Variants in ZFAT observed in about 807,000 individuals in gnomAD.
The protein encoded by ZFAT is zinc finger and AT-hook domain containing, also known as zinc finger protein ZFAT.
A neutral mutation model predicts 117.7 loss-of-function variants in ZFAT; 64 were observed. The ratio of observed to expected loss-of-function variants is 0.54; its 90% confidence interval spans 0.44 to 0.67. The LOEUF (loss-of-function observed/expected upper bound fraction) is 0.67. Ranked by LOEUF, ZFAT falls within the 30% of genes least tolerant of loss-of-function variation. The pLI is 0.00. For synonymous variants in ZFAT, 679 were observed against 615.0 expected (o/e 1.10, Z -1.54); for missense variants, 1,433 against 1,584.5 (o/e 0.90, Z 1.62).
At position 134,602,679 on chromosome 8, in the gene ZFAT, C is replaced by T. The variant is rs1563661768; in HGVS notation, c.1040G>A (p.Arg347Gln). 2 of 1,614,196 alleles carry T rather than the reference C, an allele frequency of 1.2e-6. No individual in the cohort carries two copies. Among genetic ancestry groups the T allele is most frequent in the Middle Eastern group, 1.6e-4 (1 of 6,062 alleles). ...SKGHLKVHIE[R>Q]VHKKIKQHCR... ...GTGCTGCTTGATCTTCTTGTGCACT[C>T]GCTCGATGTGCACCTTGAGGTGGCC... The change falls in exon 6 of 16, where the codon CGA becomes CAA. Residue 347 changes from arginine to glutamine, a missense_variant. Around this residue, in one of 5 missense-constraint regions of ZFAT, gnomAD observed 436 missense variants for 482.0 expected, o/e 0.90. Coordinates refer to ENST00000377838, the MANE Select transcript of ZFAT (RefSeq NM_020863.4).
At chr8:134,712,620 TTGC>T (rs1399439240) in intron 1 of ZFAT, among the ~76,000 whole-genome samples, 11 of 119,134 alleles carry the variant, frequency 9.2e-5, no homozygotes, top group African/African-American at 3.7e-4. Context: ...CGCTCCCGCC[TTGC>T]TTTTTTTTTT....
chr8:134,503,959 C>CA (rs200258023), intron 15 of ZFAT, among the ~76,000 whole-genome samples: 31,625 of 152,010 alleles, frequency 0.21, 4,019 homozygotes, highest in East Asian at 0.4. Flanking sequence ...CACACACACA[C>CA]CCCTATGAGT....
chr8:134,719,212 A>AG, the ZFAT span, among the ~76,000 whole-genome samples: 1 of 152,238 alleles, frequency 6.6e-6, no homozygotes, highest in African/African-American at 2.4e-5. Flanking sequence ...TCAGAGAAGA[A>AG]GGGGGAGGAT....
intron 11 of ZFAT, among the ~76,000 whole-genome samples, chr8:134,542,746 G>T (rs1286127108): frequency 1.3e-5 from 2 of 151,842 alleles, no homozygotes; most frequent in East Asian, 3.9e-4. Context: ...GTACATGCAG[G>T]TATTGTACAG....
At chr8:134,567,628 G>C (rs1273315739) in intron 10 of ZFAT, among the ~76,000 whole-genome samples, 4 of 152,162 alleles carry the variant, frequency 2.6e-5, no homozygotes, top group Admixed American at 1.3e-4. Context: ...TCAGAGCAAA[G>C]TTGACGTTCC....
chr8:134,734,099 G>A, the ZFAT span, among the ~76,000 whole-genome samples: 62 of 152,314 alleles, frequency 4.1e-4, no homozygotes, highest in Non-Finnish European at 7.9e-4. Context: ...TTGCCATGAC[G>A]CTGCTGTTAG....
In ZFAT at chr8:134,477,852, AT is replaced by A. The variant is rs1470583545; in HGVS notation, c.*629del. 1.3e-5 allele frequency: 2 copies of A among 152,410 alleles called. No individual in the cohort carries two copies. Among genetic ancestry groups the A allele is most frequent in the African/African-American group, 4.8e-5 (2 of 41,438 alleles). The allele number at this position is 152,410 out of a possible 1,614,324, so 9.4% of individuals were successfully genotyped here. The stretch of plus-strand genomic sequence containing the variant: ...CTTAGAATGGGAGGCGAACAGTGAA[AT>A]AGTGCATTTATCTTAAAAGTGAAAT... On this transcript the variant is annotated 3_prime_UTR_variant, in exon 16 of 16. Transcript: ENST00000377838.
intron 15 of ZFAT, among the ~76,000 whole-genome samples, chr8:134,491,182 T>C (rs1333984609): frequency 6.6e-6 from 1 of 152,252 alleles, no homozygotes; most frequent in African/African-American, 2.4e-5. Flanking sequence ...CACAGAGTAC[T>C]GAGTCTGTGT....
chr8:134,801,360 A>G, the ZFAT span, among the ~76,000 whole-genome samples: 1 of 152,134 alleles, frequency 6.6e-6, no homozygotes, highest in African/African-American at 2.4e-5. Context: ...TCCACTAACT[A>G]TTATCAGTGG....
At chr8:134,820,227 T>C in the ZFAT span, among the ~76,000 whole-genome samples, 1 of 152,188 alleles carries the variant, frequency 6.6e-6, no homozygotes, top group African/African-American at 2.4e-5. Context: ...CAGTGAGTAG[T>C]GGATCACAAA....
chr8:134,740,394 A>C, the ZFAT span, among the ~76,000 whole-genome samples: 1 of 152,230 alleles, frequency 6.6e-6, no homozygotes, highest in African/African-American at 2.4e-5. Context: ...TCCTGGAACA[A>C]ATGCTGGTCC....
At chr8:134,646,134 G>A (rs1012148426) in intron 2 of ZFAT, among the ~76,000 whole-genome samples, 1 of 152,106 alleles carries the variant, frequency 6.6e-6, no homozygotes. Flanking sequence ...GCTTGAAACT[G>A]GAAGGCGGAG....
the ZFAT span, among the ~76,000 whole-genome samples, chr8:134,719,060 G>A: frequency 6.6e-6 from 1 of 152,194 alleles, no homozygotes; most frequent in African/African-American, 2.4e-5. Context: ...CAGAAAAGCT[G>A]AAAATGTGGA....
At chr8:134,569,577 G>C (rs1824727492) in intron 10 of ZFAT, among the ~76,000 whole-genome samples, 1 of 152,132 alleles carries the variant, frequency 6.6e-6, no homozygotes, top group Non-Finnish European at 1.5e-5. Flanking sequence ...CTCACCCTGA[G>C]TGACCCTGGG....
At chr8:134,667,126 G>T (rs1016041297) in intron 1 of ZFAT, among the ~76,000 whole-genome samples, 55 of 152,188 alleles carry the variant, frequency 3.6e-4, no homozygotes, top group African/African-American at 1.3e-3. Flanking sequence ...ACACACTGGG[G>T]CCTGTCAGGG....
the ZFAT span, among the ~76,000 whole-genome samples, chr8:134,820,399 A>C: frequency 2.6e-5 from 4 of 152,256 alleles, no homozygotes; most frequent in Admixed American, 2.6e-4. Flanking sequence ...AAGCTCCTTT[A>C]GGACAATGCC....
the ZFAT span, among the ~76,000 whole-genome samples, chr8:134,831,369 CATTT>C: frequency 6.6e-6 from 1 of 152,364 alleles, no homozygotes; most frequent in Admixed American, 6.5e-5. Context: ...ACTTTTTTAT[CATTT>C]AGTCCTAAAA....
chr8:134,698,437 G>A lies in ZFAT; in HGVS notation c.19+14408C>T, dbSNP rs149232505. ...GGCAGCGGGGGAACCTGACAGCGCC[G>A]GACAGCCAACTATTCAGACACTCCA... On this transcript the variant is annotated intron_variant, in intron 1 of 15. Transcript: ENST00000377838. 2.0e-3 allele frequency among the ~76,000 whole-genome samples: 300 copies of A among 152,212 alleles called. 1 individual carries two copies. The highest frequency in any genetic ancestry group is 6.5e-3 in the African/African-American group (269 of 41,524).
At chr8:134,723,515 G>A in the ZFAT span, 1 of 152,334 alleles carries the variant, frequency 6.6e-6, no homozygotes, top group Non-Finnish European at 1.5e-5. Context: ...CTGTGCAGAG[G>A]AGTCCACCTT....
Sources: allele counts gnomAD v4.1 joint callset (sites outside exome capture counted in the v4.1 genomes callset), GRCh38; gene constraint gnomAD v4.1.1; regional missense constraint gnomAD v4.1.1; transcripts MANE v1.5; gene names NCBI Gene and HGNC (gene_info 2026-07-23, HGNC 2026-07-21).